Variants in RBM26 observed in about 807,000 individuals in gnomAD.
The protein encoded by RBM26 is RNA binding motif protein 26, also known as RNA-binding protein 26.
RBM26 carries 30 observed loss-of-function variants against 123.6 expected under a neutral mutation model. That is an observed-to-expected ratio of 0.24 (90% CI 0.18 to 0.33). The LOEUF (loss-of-function observed/expected upper bound fraction) is 0.33, where lower values mean the gene tolerates loss of function less well. Ranked by LOEUF, RBM26 falls within the 10% of genes least tolerant of loss-of-function variation. The pLI, the probability that RBM26 is intolerant of heterozygous loss-of-function variation, is 1.00. For missense variants in RBM26, 947 were observed against 1,203.6 expected, an observed-to-expected ratio of 0.79 and a Z score of 3.15; for synonymous variants, 400 against 404.4, an observed-to-expected ratio of 0.99 and a Z score of 0.13.
intron 5 of RBM26, among the ~76,000 whole-genome samples, chr13:79,369,315 G>T (rs1291449509): frequency 6.6e-6 from 1 of 152,060 alleles, no homozygotes; most frequent in Non-Finnish European, 1.5e-5. Context: ...AACAAAACAT[G>T]CAATAAAGTA....
chr13:79,370,273 A>C (rs532154280), intron 5 of RBM26, among the ~76,000 whole-genome samples: 172 of 152,308 alleles, frequency 1.1e-3, no homozygotes, highest in Non-Finnish European at 2.0e-3. Context: ...CTGAAACAGC[A>C]CCACTGCACT....
intron 6 of RBM26, among the ~76,000 whole-genome samples, chr13:79,367,729 T>A (rs2075456242): frequency 6.6e-6 from 1 of 152,096 alleles, no homozygotes; most frequent in Non-Finnish European, 1.5e-5. Flanking sequence ...ACACTTTTTG[T>A]ACAGTCTGCA....
At chr13:79,343,505 TGTA>T (rs2071779863) in intron 16 of RBM26, among the ~76,000 whole-genome samples, 1 of 151,922 alleles carries the variant, frequency 6.6e-6, no homozygotes, top group Non-Finnish European at 1.5e-5. Context: ...CAAATCAAAA[TGTA>T]GTTTCTGTAT....
At chr13:79,340,530 A>G (rs2071199501) in intron 18 of RBM26, among the ~76,000 whole-genome samples, 1 of 152,060 alleles carries the variant, frequency 6.6e-6, no homozygotes, top group Admixed American at 6.5e-5. Context: ...TTCAAAATAC[A>G]GTTCCAATCT....
At position 79,322,333 on chromosome 13, in the gene RBM26, A is replaced by G. The variant is rs2067775818; in HGVS notation, c.2934+16T>C. 1 of 1,464,240 alleles carries G rather than the reference A, an allele frequency of 6.8e-7. No homozygotes were observed. Among genetic ancestry groups the G allele is most frequent in the Non-Finnish European group, 9.2e-7 (1 of 1,082,952 alleles). 90.7% of individuals were successfully genotyped at this position (1,464,240 alleles called of 1,614,324 possible). ...AACGATTAAGGGTAAAAATAAGTGG[A>G]AAAAAAATAACATACTTCTTCTTCA... On this transcript the variant is annotated intron_variant, in intron 21 of 21. Coordinates refer to ENST00000438737, the MANE Select transcript of RBM26 (RefSeq NM_001366735.2).
intron 14 of RBM26, among the ~76,000 whole-genome samples, 198 bp from the exon 15 acceptor site, chr13:79,344,992 T>A (rs529629101): frequency 7.9e-5 from 12 of 151,646 alleles, no homozygotes; most frequent in Middle Eastern, 3.4e-3. Flanking sequence ...CTCTAAAATT[T>A]AAAAAAATGA....
intron 1 of RBM26, among the ~76,000 whole-genome samples, chr13:79,382,500 G>A (rs2077141857): frequency 6.6e-6 from 1 of 152,090 alleles, no homozygotes; most frequent in Admixed American, 6.6e-5. Context: ...TGCCAATAAA[G>A]TATGATTATG....
chr13:79,378,182 G>T (rs188431468), intron 2 of RBM26, among the ~76,000 whole-genome samples: 1 of 152,152 alleles, frequency 6.6e-6, no homozygotes. Flanking sequence ...AAAGCAATGC[G>T]CTAGGTAAGA....
At chr13:79,390,878 A>T (rs1487176065) in intron 1 of RBM26, among the ~76,000 whole-genome samples, 1 of 152,206 alleles carries the variant, frequency 6.6e-6, no homozygotes, top group Non-Finnish European at 1.5e-5. Flanking sequence ...CTAGCCTTTC[A>T]TCACCAAAAA....
At chr13:79,356,355 G>C (rs1212142398) in intron 11 of RBM26, among the ~76,000 whole-genome samples, 1 of 128,438 alleles carries the variant, frequency 7.8e-6, no homozygotes, top group Non-Finnish European at 1.6e-5. Flanking sequence ...AGTGACAAGA[G>C]TGAGACTCTG....
At chr13:79,371,537 T>C (rs1240108590) in intron 4 of RBM26, among the ~76,000 whole-genome samples, 1 of 151,842 alleles carries the variant, frequency 6.6e-6, no homozygotes, top group South Asian at 2.1e-4. Flanking sequence ...AAAAACAATT[T>C]AATCACACTA....
chr13:79,322,248 G>A (rs1158965952), intron 21 of RBM26, 101 bp downstream of exon 21: 1 of 696,688 alleles, frequency 1.4e-6, no homozygotes, highest in Non-Finnish European at 2.3e-6. Flanking sequence ...TATGGGTCAG[G>A]AATAAAAGTT....
intron 16 of RBM26, 29 bp downstream of exon 16, chr13:79,344,219 T>A (rs772432145): frequency 7.1e-7 from 1 of 1,406,710 alleles, no homozygotes; most frequent in Non-Finnish European, 1.0e-6. Context: ...ACATTTGCAA[T>A]TTGGCCAAAT....
intron 9 of RBM26, among the ~76,000 whole-genome samples, chr13:79,363,571 T>C (rs2074948018): frequency 6.6e-6 from 1 of 152,154 alleles, no homozygotes; most frequent in African/African-American, 2.4e-5. Context: ...AGTACTAAAA[T>C]AATCACTATG....
At chr13:79,393,910 T>C (rs2078322753) in intron 1 of RBM26, among the ~76,000 whole-genome samples, 1 of 152,228 alleles carries the variant, frequency 6.6e-6, no homozygotes, top group Admixed American at 6.5e-5. Context: ...TCTTTTTGTG[T>C]GTGTGTGTTC....
At chr13:79,351,555 T>TA (rs1368590326) in intron 14 of RBM26, among the ~76,000 whole-genome samples, 3 of 142,878 alleles carry the variant, frequency 2.1e-5, no homozygotes, top group South Asian at 4.5e-4. Flanking sequence ...TGGGAGATGT[T>TA]AGAGAGACTT....
At position 79,320,691 on chromosome 13, in the gene RBM26, A is replaced by C. The variant is rs1566277559; in HGVS notation, c.2954T>G (p.Val985Gly). The C allele has an allele frequency of 6.3e-7, 1 of 1,585,934 alleles. No individual in the cohort carries two copies. Residue 985 changes from valine to glycine, a missense_variant, in exon 22 of 22, where the codon GTG (valine) becomes GGG (glycine). Physicochemically the swap from Val to Gly is moderately radical, Grantham distance 109 (BLOSUM62 -3). Coordinates refer to ENST00000438737, the MANE Select transcript of RBM26 (RefSeq NM_001366735.2). Reference protein sequence around the residue: ...DEEEFQEESLVDDSLLQDDDE... With the variant: ...DEEEFQEESLGDDSLLQDDDE... ...ATCATCTTGAAGTAATGAGTCATCCACCAAAGACTCTTCCTGAAACTTTAG... is the reference window on the plus strand; with the variant it reads ...ATCATCTTGAAGTAATGAGTCATCCCCCAAAGACTCTTCCTGAAACTTTAG...
Position 79,319,948 on chromosome 13 carries a change from G to GAT in RBM26, c.*672_*673insAT. The GAT allele has an allele frequency of 2.3e-6, 1 of 438,094 alleles. No homozygotes were observed. Among genetic ancestry groups the GAT allele is most frequent in the Non-Finnish European group, 2.5e-6 (1 of 396,110 alleles). The allele number at this position is 438,094 out of a possible 1,614,324, so 27.1% of individuals were successfully genotyped here. A position where few individuals can be genotyped will look rare whatever the true frequency, so the allele number is the denominator to read the frequency against. On this transcript the variant is annotated 3_prime_UTR_variant, in exon 22 of 22. Transcript: ENST00000438737. ...TTTTAAATCAAGGAACATTGTCTTG[G>GAT]CTTTTTTTTTTTTTTTTTTTTTGTC... is the stretch of plus-strand genomic sequence containing the variant.
rs527399930 is a variant in RBM26 at position 79,396,491 on chromosome 13, T to C, written c.71+9213A>G. 5.1e-4 allele frequency among the ~76,000 whole-genome samples: 77 copies of C among 152,280 alleles called. No individual in the cohort carries two copies. The South Asian group carries it at 0.015, about 30-fold the overall frequency. ...AAGGTTACAATGCAATGTCAATAAA[T>C]TTGGCAACTTCAGAAAAATCTTTGA... On this transcript the variant is annotated intron_variant, in intron 1 of 21. Transcript: ENST00000438737.
Sources: allele counts gnomAD v4.1 joint callset (sites outside exome capture counted in the v4.1 genomes callset), GRCh38; gene constraint gnomAD v4.1.1; transcripts MANE v1.5; gene names NCBI Gene and HGNC (gene_info 2026-07-23, HGNC 2026-07-21).